Variants in ZNF782 observed in about 807,000 individuals in gnomAD.
The protein encoded by ZNF782 is zinc finger protein 782.
Under a neutral mutation model 13.0 loss-of-function variants are expected in ZNF782, and 12 were observed. That is an observed-to-expected ratio of 0.92 (90% CI 0.59 to 1.50). The LOEUF is 1.50. Ranked by LOEUF, ZNF782 falls within the 40% of genes most tolerant of loss-of-function variation. The pLI is 0.00. For synonymous variants in ZNF782, 284 were observed against 283.0 expected, an observed-to-expected ratio of 1.00 and a Z score of -0.04; for missense variants, 770 against 822.9, an observed-to-expected ratio of 0.94 and a Z score of 0.79.
At chr9:96,842,538 C>T (rs977627399) in intron 4 of ZNF782, among the ~76,000 whole-genome samples, 6 of 151,960 alleles carry the variant, frequency 3.9e-5, no homozygotes, top group African/African-American at 1.4e-4. Context: ...AAAAAAAGAT[C>T]TCAACTTACA....
In ZNF782 at chr9:96,828,549, T is replaced by C. The variant is rs531863870; in HGVS notation, c.143-1368A>G. On this transcript the variant is annotated intron_variant, in intron 4 of 5. Transcript: ENST00000481138. ...TAACAACCAAATAAGAAATGGCCCATATGGCCAGGCACAGTGACACCTGTA... is the reference window on the plus strand; with the variant it reads ...TAACAACCAAATAAGAAATGGCCCACATGGCCAGGCACAGTGACACCTGTA... Among the ~76,000 whole-genome samples, 6 of 152,246 alleles carry C rather than the reference T, an allele frequency of 3.9e-5. No individual in the cohort carries two copies. The South Asian group carries it at 1.0e-3, about 26-fold the overall frequency.
chr9:96,883,092 C>A, the ZNF782 span, among the ~76,000 whole-genome samples: 285 of 152,264 alleles, frequency 1.9e-3, no homozygotes, highest in Non-Finnish European at 3.1e-3. Flanking sequence ...AGTTTCTTTG[C>A]ATTGCCACAT....
chr9:96,868,359 A>G (rs780549611), intron 1 of ZNF782, among the ~76,000 whole-genome samples: 1 of 152,194 alleles, frequency 6.6e-6, no homozygotes, highest in Non-Finnish European at 1.5e-5. Flanking sequence ...AATGTGTGTT[A>G]TCATAGGTCT....
chr9:96,827,575 G>A (rs776191300), intron 4 of ZNF782, among the ~76,000 whole-genome samples: 8 of 151,994 alleles, frequency 5.3e-5, no homozygotes, highest in Admixed American at 2.0e-4. Context: ...CCCAAAGTAC[G>A]GTGGCATAAG....
chr9:96,872,911 T>C (rs1364393238), intron 1 of ZNF782, among the ~76,000 whole-genome samples: 1 of 152,138 alleles, frequency 6.6e-6, no homozygotes, highest in Non-Finnish European at 1.5e-5. Flanking sequence ...AGTGTAGAAT[T>C]AGAACAAGGG....
Position 96,819,487 on chromosome 9 carries a change from C to T in ZNF782, c.536G>A (p.Arg179Lys), listed in dbSNP as rs751005836. 6.2e-7 allele frequency: 1 copy of T among 1,613,914 alleles called. No homozygotes were observed. The highest frequency in any genetic ancestry group is 1.1e-5 in the South Asian group (1 of 90,968). The change falls in exon 6 of 6, where the codon AGA becomes AAA. Residue 179 changes from arginine to lysine, a missense_variant. Physicochemically the swap from Arg to Lys is conservative, Grantham distance 26. Transcript: ENST00000481138. ...GAAAGATTTCTCTTGAGTGTTAGTT[C>T]TGCCATCCTTAATACTGATGAGCCA... is the stretch of plus-strand genomic sequence containing the variant. ...DKWLISIKDG[R>K]TNTQEKSFAY...
the ZNF782 span, among the ~76,000 whole-genome samples, chr9:96,915,244 A>C: frequency 1.3e-5 from 2 of 152,112 alleles, no homozygotes. Context: ...TAAGGGAAAC[A>C]ATAAATTGGG....
upstream of ZNF782, among the ~76,000 whole-genome samples, chr9:96,876,943 C>CAAAAAAAAAA (rs398011569): frequency 1.4e-3 from 58 of 42,832 alleles, no homozygotes; most frequent in Admixed American, 2.2e-3. Context: ...AACTCCGACT[C>CAAAAAAAAAA]AAAAAAAAAA....
chr9:96,842,581 G>A (rs1851220789), intron 4 of ZNF782, among the ~76,000 whole-genome samples: 1 of 151,950 alleles, frequency 6.6e-6, no homozygotes, highest in African/African-American at 2.4e-5. Flanking sequence ...TACTCAAAAT[G>A]TACCATAATT....
intron 4 of ZNF782, 146 bp downstream of exon 4, chr9:96,844,744 G>GTA: frequency 9.3e-7 from 1 of 1,072,212 alleles, no homozygotes; most frequent in Non-Finnish European, 1.4e-6. Flanking sequence ...TTTCTGTTAA[G>GTA]TATACCTCAA....
At chr9:96,925,046 A>G in the ZNF782 span, among the ~76,000 whole-genome samples, 2 of 152,134 alleles carry the variant, frequency 1.3e-5, no homozygotes, top group African/African-American at 2.4e-5. Context: ...TTTAGGTAAC[A>G]CCACGGAGGA....
At chr9:96,928,444 GCTGAGGCCATT>G in the ZNF782 span, 1 of 183,904 alleles carries the variant, frequency 5.4e-6, no homozygotes, top group Non-Finnish European at 1.0e-5. Context: ...GCCTGGATCA[GCTGAGGCCATT>G]CTGATTTCAA....
the ZNF782 span, among the ~76,000 whole-genome samples, chr9:96,911,221 C>T: frequency 1.4e-5 from 2 of 143,440 alleles, no homozygotes; most frequent in Non-Finnish European, 3.1e-5. Flanking sequence ...GGGCGGATCA[C>T]GAGGTCAGGA....
chr9:96,869,826 C>A (rs976396120), intron 1 of ZNF782, among the ~76,000 whole-genome samples: 2 of 152,198 alleles, frequency 1.3e-5, no homozygotes, highest in Admixed American at 1.3e-4. Flanking sequence ...TGCAGTCCAG[C>A]ACATACCTGC....
Position 96,817,817 on chromosome 9 carries a change from AT to A in ZNF782, c.*105del. On this transcript the variant is annotated 3_prime_UTR_variant, in exon 6 of 6. Coordinates refer to ENST00000481138, the MANE Select transcript of ZNF782 (RefSeq NM_001001662.3). ...GGTGGAGGCTGAAATTGTAGAGGAA[AT>A]TCCAGTGCTCACTATGTTAACAGTT... 1.0e-6 allele frequency: 1 copy of A among 980,094 alleles called. No homozygotes were observed. Among genetic ancestry groups the A allele is most frequent in the South Asian group, 2.2e-5 (1 of 45,388 alleles). The allele number at this position is 980,094 out of a possible 1,614,324, so 60.7% of individuals were successfully genotyped here.
chr9:96,868,983 AC>A (rs1416382804), intron 1 of ZNF782, among the ~76,000 whole-genome samples: 1 of 152,072 alleles, frequency 6.6e-6, no homozygotes, highest in African/African-American at 2.4e-5. Context: ...TGCTACTTTG[AC>A]CTTTGCGCCT....
intron 1 of ZNF782, among the ~76,000 whole-genome samples, chr9:96,872,236 A>G (rs1014471301): frequency 1.3e-5 from 2 of 152,226 alleles, no homozygotes; most frequent in South Asian, 4.1e-4. Flanking sequence ...ACTTTTAATT[A>G]AAATGTGACT....
upstream of ZNF782, among the ~76,000 whole-genome samples, chr9:96,878,088 G>A (rs1013212366): frequency 6.6e-6 from 1 of 152,178 alleles, no homozygotes; most frequent in African/African-American, 2.4e-5. Flanking sequence ...CGCTCTTGTT[G>A]CCCAAGCTGG....
At chr9:96,896,885 G>T in the ZNF782 span, among the ~76,000 whole-genome samples, 1 of 152,236 alleles carries the variant, frequency 6.6e-6, no homozygotes, top group Non-Finnish European at 1.5e-5. Context: ...CCCTAGAACT[G>T]TGGAGCATGC....
Sources: gnomAD v4.1 joint callset for allele counts (sites outside exome capture counted in the v4.1 genomes callset) on GRCh38, gnomAD v4.1.1 for gene constraint, MANE v1.5 for transcripts, NCBI Gene and HGNC (gene_info 2026-07-23, HGNC 2026-07-21) for gene names.